The following EIF5B variants were observed in gnomAD, a reference collection of about 807,000 sequenced individuals.
EIF5B encodes the protein eIF-5B.
EIF5B carries 47 observed loss-of-function variants against 147.5 expected under a neutral mutation model. That is an observed-to-expected ratio of 0.32 (90% CI 0.25 to 0.41). EIF5B has a LOEUF of 0.41. EIF5B is among the 10% of genes least tolerant of loss of function. The pLI is 1.00. For missense variants in EIF5B, 1,064 were observed against 1,413.2 expected (o/e 0.75, Z 3.96); for synonymous variants, 455 against 456.2 (o/e 1.00, Z 0.03).
chr2:99,349,720 ATT>A (rs375047634), intron 1 of EIF5B, among the ~76,000 whole-genome samples: 16 of 152,286 alleles, frequency 1.1e-4, no homozygotes, highest in African/African-American at 3.4e-4. Flanking sequence ...ACAATGTGAT[ATT>A]TTGGTATCTG....
intron 10 of EIF5B, among the ~76,000 whole-genome samples, chr2:99,377,528 C>T (rs754687308): frequency 1.3e-4 from 19 of 151,262 alleles, no homozygotes; most frequent in Admixed American, 1.1e-3. Context: ...TCAGTTATGA[C>T]TGTCTTTTCC....
intron 15 of EIF5B, 146 bp downstream of exon 15, chr2:99,389,995 C>A (rs1436467778): frequency 8.0e-7 from 1 of 1,256,122 alleles, no homozygotes; most frequent in Non-Finnish European, 1.1e-6. Flanking sequence ...TCCCTTTTCT[C>A]CTTTTTCTTT....
At chr2:99,371,780 G>C in intron 9 of EIF5B, 50 bp downstream of exon 9, 1 of 1,484,060 alleles carries the variant, frequency 6.7e-7, no homozygotes, top group Non-Finnish European at 9.2e-7. Flanking sequence ...TATTAGAAAT[G>C]AATGATATAT....
chr2:99,374,731 C>A (rs1305129117), intron 9 of EIF5B, among the ~76,000 whole-genome samples: 2 of 151,996 alleles, frequency 1.3e-5, no homozygotes, highest in Non-Finnish European at 2.9e-5. Flanking sequence ...CATGACGTAC[C>A]CAGAATAGGC....
chr2:99,397,027 T>A, intron 22 of EIF5B, 129 bp downstream of exon 22: 1 of 1,053,330 alleles, frequency 9.5e-7, no homozygotes, highest in Non-Finnish European at 1.3e-6. Flanking sequence ...GGTCTCCACC[T>A]TCTTAACAAA....
intron 10 of EIF5B, among the ~76,000 whole-genome samples, chr2:99,377,889 G>A (rs183222997): frequency 6.6e-6 from 1 of 152,284 alleles, no homozygotes; most frequent in African/African-American, 2.4e-5. Flanking sequence ...GTGGAATGGG[G>A]TTTGTATTCT....
chr2:99,399,728 G>A lies in EIF5B; in HGVS notation c.*314G>A. The A allele has an allele frequency of 3.6e-6, 1 of 279,374 alleles. No homozygotes were observed. The highest frequency in any genetic ancestry group is 1.2e-3 in the Middle Eastern group (1 of 822). 17.3% of individuals were successfully genotyped at this position (279,374 alleles called of 1,614,324 possible). A position where few individuals can be genotyped will look rare whatever the true frequency, so the allele number is the denominator to read the frequency against. Reference sequence around the variant, plus strand: ...TTTGGATTTTTATTACAGATCTAAAGCTCTTTCGATTTTATACTGATTAAA... The same window carrying A: ...TTTGGATTTTTATTACAGATCTAAAACTCTTTCGATTTTATACTGATTAAA... On this transcript the variant is annotated 3_prime_UTR_variant, in exon 24 of 24. Coordinates refer to ENST00000289371, the MANE Select transcript of EIF5B (RefSeq NM_015904.4).
chr2:99,351,062 C>T (rs1673942687), intron 1 of EIF5B, among the ~76,000 whole-genome samples: 1 of 152,216 alleles, frequency 6.6e-6, no homozygotes, highest in African/African-American at 2.4e-5. Context: ...CATGGTGGCT[C>T]ACCACTGTAA....
At chr2:99,365,511 A>C (rs1045157924) in intron 6 of EIF5B, among the ~76,000 whole-genome samples, 39 of 152,364 alleles carry the variant, frequency 2.6e-4, no homozygotes, top group African/African-American at 8.7e-4. Flanking sequence ...GAATATAGTT[A>C]GCATTCATAC....
intron 4 of EIF5B, 72 bp from the exon 5 acceptor site, chr2:99,363,573 T>TG: frequency 6.9e-7 from 1 of 1,444,248 alleles, no homozygotes; most frequent in South Asian, 1.4e-5. Flanking sequence ...GAATTGTGGT[T>TG]GGGTTTTGCT....
At chr2:99,364,136 C>G (rs1674277810) in intron 5 of EIF5B, 135 bp from the exon 6 acceptor site, 1 of 1,263,822 alleles carries the variant, frequency 7.9e-7, no homozygotes, top group Middle Eastern at 2.9e-4. Context: ...ATTTAAAATA[C>G]TTTGATTTGG....
At chr2:99,344,909 T>G (rs1006304683) in intron 1 of EIF5B, among the ~76,000 whole-genome samples, 1 of 152,216 alleles carries the variant, frequency 6.6e-6, no homozygotes, top group Non-Finnish European at 1.5e-5. Context: ...CTCCATTATC[T>G]TGATACAACC....
At position 99,339,265 on chromosome 2, in the gene EIF5B, G is replaced by A. The variant is rs1574914479; in HGVS notation, c.35+1676G>A. On this transcript the variant is annotated intron_variant, in intron 1 of 23. Coordinates refer to ENST00000289371, the MANE Select transcript of EIF5B (RefSeq NM_015904.4). ...CGACCTCAGGTGATCCGCCCGCCTC[G>A]GCCTCCCAAAGTGCTGGGATTACAG... 2.6e-5 allele frequency among the ~76,000 whole-genome samples: 4 copies of A among 151,588 alleles called. No homozygotes were observed. In the South Asian group the frequency reaches 8.3e-4, roughly 32 times the overall value.
chr2:99,398,679 A>G (rs1559263050), intron 22 of EIF5B, 69 bp from the exon 23 acceptor site: 3 of 1,486,200 alleles, frequency 2.0e-6, no homozygotes, highest in East Asian at 2.3e-5. Flanking sequence ...TACTTCAGCT[A>G]TCCAGCCATG....
intron 14 of EIF5B, 42 bp from the exon 15 acceptor site, chr2:99,389,676 C>T: frequency 1.3e-6 from 2 of 1,564,842 alleles, no homozygotes; most frequent in South Asian, 2.4e-5. Flanking sequence ...CTTGAATGTT[C>T]TGAATTTTTT....
chr2:99,379,233 A>G, intron 11 of EIF5B, 85 bp from the exon 12 acceptor site: 1 of 1,432,742 alleles, frequency 7.0e-7, no homozygotes, highest in Non-Finnish European at 9.6e-7. Flanking sequence ...TCTGCTTACA[A>G]TAAATAAGTT....
At chr2:99,347,820 T>TG in intron 1 of EIF5B, among the ~76,000 whole-genome samples, 1 of 152,150 alleles carries the variant, frequency 6.6e-6, no homozygotes, top group East Asian at 1.9e-4. Context: ...GAAACAATTT[T>TG]GGGGGGTAGG....
intron 1 of EIF5B, 68 bp downstream of exon 1, chr2:99,337,657 G>A (rs559285704): frequency 6.5e-7 from 1 of 1,532,294 alleles, no homozygotes; most frequent in East Asian, 2.4e-5. Flanking sequence ...GTCTCGCCGG[G>A]CGCGGCGTCG....
chr2:99,397,166 G>C (rs556047062), intron 22 of EIF5B: 12 of 269,316 alleles, frequency 4.5e-5, no homozygotes, highest in African/African-American at 2.4e-4. Context: ...ACTCAGTGCT[G>C]ATCTCAGTGC....
Sources: allele counts gnomAD v4.1 joint callset (sites outside exome capture counted in the v4.1 genomes callset), GRCh38; gene constraint gnomAD v4.1.1; transcripts MANE v1.5; gene names NCBI Gene and HGNC (gene_info 2026-07-23, HGNC 2026-07-21).